RXRA: variants seen among roughly 807,000 people sequenced by gnomAD.
RXRA encodes the protein retinoic acid receptor RXR-alpha.
In RXRA, 5 loss-of-function variants were observed where a neutral mutation model predicts 44.5. The observed-to-expected ratio is 0.11, with a 90% confidence interval of 0.06 to 0.24. The LOEUF (loss-of-function observed/expected upper bound fraction) is 0.24, where lower values mean the gene tolerates loss of function less well. RXRA is among the 10% of genes least tolerant of loss of function. RXRA has a pLI of 1.00. For missense variants in RXRA, 412 were observed against 646.5 expected, an observed-to-expected ratio of 0.64 and a Z score of 3.93; for synonymous variants, 291 against 271.4, an observed-to-expected ratio of 1.07 and a Z score of -0.71.
intron 1 of RXRA, among the ~76,000 whole-genome samples, chr9:134,394,917 T>C (rs1588284837): frequency 6.6e-6 from 1 of 152,046 alleles, no homozygotes; most frequent in Admixed American, 6.5e-5. Flanking sequence ...GGATAGGGAG[T>C]CAAGACCCTG....
chr9:134,348,336 G>C (rs1176127828), intron 1 of RXRA, among the ~76,000 whole-genome samples: 2 of 152,198 alleles, frequency 1.3e-5, no homozygotes, highest in African/African-American at 4.8e-5. Context: ...TTGAGAAGGA[G>C]GACAGAGCAG....
intron 6 of RXRA, chr9:134,427,101 A>G (rs984347941): frequency 6.1e-6 from 6 of 984,278 alleles, no homozygotes; most frequent in Non-Finnish European, 7.2e-6. Flanking sequence ...CACATGTCAG[A>G]TTGAGGGGGC....
chr9:134,353,689 G>C (rs1013480769), intron 1 of RXRA, among the ~76,000 whole-genome samples: 1 of 152,228 alleles, frequency 6.6e-6, no homozygotes, highest in African/African-American at 2.4e-5. Context: ...GGTGCCCTTG[G>C]GGTGGGGGTG....
At chr9:134,393,416 C>T (rs1413437357) in intron 1 of RXRA, among the ~76,000 whole-genome samples, 21 of 152,222 alleles carry the variant, frequency 1.4e-4, no homozygotes, top group Admixed American at 1.3e-3. Flanking sequence ...GTTTCCTCTT[C>T]TGAACCATGG....
chr9:134,338,887 C>T (rs1007085135), intron 1 of RXRA, among the ~76,000 whole-genome samples: 3 of 152,254 alleles, frequency 2.0e-5, no homozygotes, highest in African/African-American at 4.8e-5. Context: ...AGACAGCCGC[C>T]GTTCTGCCCT....
At chr9:134,361,912 A>G (rs755274129) in intron 1 of RXRA, among the ~76,000 whole-genome samples, 30 of 152,182 alleles carry the variant, frequency 2.0e-4, no homozygotes, top group Non-Finnish European at 8.8e-5. Flanking sequence ...CAGTGTGTTC[A>G]TGCCCTGGGG....
intron 1 of RXRA, among the ~76,000 whole-genome samples, chr9:134,360,734 G>T (rs1830340154): frequency 6.6e-6 from 1 of 152,196 alleles, no homozygotes; most frequent in South Asian, 2.1e-4. Context: ...AGGAGTTCTG[G>T]CTAGAATCTC....
At position 134,343,954 on chromosome 9, in the gene RXRA, C is replaced by T. The variant is rs1455322708; in HGVS notation, c.28+17295C>T. Among the ~76,000 whole-genome samples, 64 of 152,168 alleles carry T rather than the reference C, an allele frequency of 4.2e-4. No individual in the cohort carries two copies. The highest frequency in any genetic ancestry group is 7.4e-5 in the Non-Finnish European group (5 of 68,026). On this transcript the variant is annotated intron_variant, in intron 1 of 9. Coordinates refer to ENST00000481739, the MANE Select transcript of RXRA (RefSeq NM_002957.6). The surrounding 1 kb of genome is among the most constrained non-coding windows in gnomAD (Gnocchi z 4.1). ...GTGGGGTGGGCATCTCCCCATAGGC[C>T]CTCCCCACAGGATGCAGCCCTTCCT...
At chr9:134,360,746 T>C (rs1372749202) in intron 1 of RXRA, among the ~76,000 whole-genome samples, 1 of 152,152 alleles carries the variant, frequency 6.6e-6, no homozygotes, top group Non-Finnish European at 1.5e-5. Flanking sequence ...TAGAATCTCC[T>C]GGAATAAAGA....
intron 3 of RXRA, 48 bp downstream of exon 3, chr9:134,408,347 C>A (rs1024612872): frequency 1.3e-6 from 2 of 1,556,730 alleles, no homozygotes; most frequent in Non-Finnish European, 1.7e-6. Context: ...GGTTGTCAGG[C>A]CATTGCAGGG....
At chr9:134,435,790 C>T (rs1222155600) in intron 9 of RXRA, among the ~76,000 whole-genome samples, 3 of 152,172 alleles carry the variant, frequency 2.0e-5, no homozygotes, top group African/African-American at 4.8e-5. Flanking sequence ...TTACAAGCCC[C>T]GCAGTCTCTT....
chr9:134,436,354 G>C, intron 9 of RXRA, 113 bp from the exon 10 acceptor site: 1 of 1,063,282 alleles, frequency 9.4e-7, no homozygotes, highest in Non-Finnish European at 1.4e-6. Flanking sequence ...CTACAGACCA[G>C]CCTCAGAGGG....
chr9:134,334,339 A>G (rs1564258031), intron 1 of RXRA, among the ~76,000 whole-genome samples: 1 of 152,270 alleles, frequency 6.6e-6, no homozygotes, highest in African/African-American at 2.4e-5. Context: ...CAGTGGCTTC[A>G]GTGCCTGTGC....
Position 134,365,427 on chromosome 9 carries a change from GT to G in RXRA, c.29-36204del. On this transcript the variant is annotated intron_variant, in intron 1 of 9. Transcript: ENST00000481739. This position sits in a 1 kb window ranked among gnomAD's most constrained non-coding sequence, Gnocchi z 4.0. ...ATTTGGCGGGTAACGCTCGTGGTGT[GT>G]CCTGGTGTGAGACCCGGTGTTCTTG... 6.6e-6 allele frequency among the ~76,000 whole-genome samples: 1 copy of G among 152,202 alleles called. No homozygotes were observed. The highest frequency in any genetic ancestry group is 1.5e-5 in the Non-Finnish European group (1 of 68,032).
chr9:134,427,139 GTGATGCTACAGATGTTTCAT>G, intron 6 of RXRA: 1 of 984,320 alleles, frequency 1.0e-6, no homozygotes, highest in South Asian at 4.7e-5. Flanking sequence ...TCTCCCAAAT[GTGATGCTACAGATGTTTCAT>G]TGGGCAAAAA....
chr9:134,409,195 C>T (rs956081749), intron 4 of RXRA, 76 bp downstream of exon 4: 34 of 1,365,976 alleles, frequency 2.5e-5, no homozygotes, highest in Non-Finnish European at 3.2e-5. Flanking sequence ...CGTGGACACC[C>T]GAGATGGACA....
intron 1 of RXRA, among the ~76,000 whole-genome samples, chr9:134,329,735 C>T (rs150928968): frequency 0.071 from 10,887 of 152,298 alleles, 500 homozygotes; most frequent in Middle Eastern, 0.13. Context: ...GTGGGGGGCT[C>T]ACCTCCACCA....
intron 1 of RXRA, among the ~76,000 whole-genome samples, chr9:134,401,186 C>T (rs1225473133): frequency 6.6e-6 from 1 of 152,220 alleles, no homozygotes; most frequent in Non-Finnish European, 1.5e-5. Flanking sequence ...AGGTGCTCGG[C>T]GACATCAGCC....
At chr9:134,359,471 G>A (rs1033494164) in intron 1 of RXRA, among the ~76,000 whole-genome samples, 1 of 152,002 alleles carries the variant, frequency 6.6e-6, no homozygotes, top group Non-Finnish European at 1.5e-5. Flanking sequence ...CACCGGGTGC[G>A]CCCTCACCTC....
Sources: gnomAD v4.1 joint callset for allele counts (sites outside exome capture counted in the v4.1 genomes callset) on GRCh38, gnomAD v4.1.1 for gene constraint, Gnocchi (gnomAD v3.1) non-coding constraint, MANE v1.5 for transcripts, NCBI Gene and HGNC (gene_info 2026-07-23, HGNC 2026-07-21) for gene names.